Variants in KCNMA1 observed in about 807,000 individuals in gnomAD.
KCNMA1 encodes Calcium-activated potassium channel subunit alpha-1.
Under a neutral mutation model 140.0 loss-of-function variants are expected in KCNMA1, and 29 were observed. The ratio of observed to expected loss-of-function variants is 0.21; its 90% CI spans 0.15 to 0.28. The LOEUF is 0.28. Ranked by LOEUF, KCNMA1 falls within the 10% of genes least tolerant of loss-of-function variation. The pLI, the probability that KCNMA1 is intolerant of heterozygous loss-of-function variation, is 1.00. For missense variants in KCNMA1, 880 were observed against 1,602.2 expected, an observed-to-expected ratio of 0.55 and a Z score of 7.70; for synonymous variants, 612 against 611.9, an observed-to-expected ratio of 1.00 and a Z score of 0.00.
intron 3 of KCNMA1, among the ~76,000 whole-genome samples, chr10:77,231,891 AAC>A (rs1207853782): frequency 6.6e-6 from 1 of 152,242 alleles, no homozygotes; most frequent in Non-Finnish European, 1.5e-5. Context: ...TCAATTTTAA[AAC>A]ACTTTCATCA....
intron 23 of KCNMA1, among the ~76,000 whole-genome samples, chr10:76,932,716 C>A (rs977891637): frequency 2.0e-5 from 3 of 152,170 alleles, no homozygotes; most frequent in Non-Finnish European, 4.4e-5. Flanking sequence ...CCTTAACCCT[C>A]CATGACTGCA....
chr10:77,103,835 G>A (rs2097148123), intron 9 of KCNMA1, among the ~76,000 whole-genome samples: 1 of 152,206 alleles, frequency 6.6e-6, no homozygotes, highest in Non-Finnish European at 1.5e-5. Flanking sequence ...GGGTGGGCAG[G>A]AGGGGAGAGG....
intron 3 of KCNMA1, among the ~76,000 whole-genome samples, chr10:77,186,620 T>C (rs1047733394): frequency 1.3e-5 from 2 of 152,158 alleles, no homozygotes; most frequent in African/African-American, 4.8e-5. Flanking sequence ...TGCTTGTTTT[T>C]GTTTCAAAAA....
At chr10:77,316,368 G>A (rs10824524) in intron 2 of KCNMA1, among the ~76,000 whole-genome samples, 26,030 of 152,184 alleles carry the variant, frequency 0.17, 2,383 homozygotes, top group East Asian at 0.33. Flanking sequence ...TCAGGTTTGG[G>A]AAGTCAGCAA....
intron 1 of KCNMA1, among the ~76,000 whole-genome samples, chr10:77,430,337 C>T (rs1384912410): frequency 6.6e-6 from 1 of 152,194 alleles, no homozygotes; most frequent in African/African-American, 2.4e-5. Context: ...ATTTACTGAG[C>T]AGGAGCCGAA....
rs182215536 is a variant in KCNMA1, at chr10:77,223,085, C to T, written c.602+28110G>A. On this transcript the variant is annotated intron_variant, in intron 3 of 27. Coordinates refer to ENST00000286628, the MANE Select transcript of KCNMA1 (RefSeq NM_001161352.2). ...TCTACTAAAAATACAAAAACTTAACCGGGCATGGTGGCAGGCACCTGTAGT... is the reference window on the plus strand; with the variant it reads ...TCTACTAAAAATACAAAAACTTAACTGGGCATGGTGGCAGGCACCTGTAGT... 6.7e-3 allele frequency among the ~76,000 whole-genome samples: 1,021 copies of T among 151,880 alleles called. 16 individuals are homozygous for T. Among genetic ancestry groups the T allele is most frequent in the African/African-American group, 0.024 (977 of 41,408 alleles).
At chr10:77,306,367 G>A (rs1037062444) in intron 2 of KCNMA1, among the ~76,000 whole-genome samples, 5 of 152,198 alleles carry the variant, frequency 3.3e-5, no homozygotes, top group African/African-American at 1.2e-4. Context: ...ATCTGGTAGG[G>A]GTGATGCCCA....
intron 1 of KCNMA1, among the ~76,000 whole-genome samples, chr10:77,576,667 A>G (rs1316239170): frequency 6.6e-6 from 1 of 152,172 alleles, no homozygotes; most frequent in Non-Finnish European, 1.5e-5. Flanking sequence ...TGGGATTCTA[A>G]AAGGAGTGAC....
intron 5 of KCNMA1, among the ~76,000 whole-genome samples, chr10:77,144,929 AC>A (rs1330549442): frequency 2.6e-5 from 4 of 152,208 alleles, no homozygotes; most frequent in African/African-American, 9.7e-5. Context: ...TACTTCACAG[AC>A]GAACTATCCA....
At chr10:77,060,831 C>T (rs866126734) in intron 14 of KCNMA1, among the ~76,000 whole-genome samples, 12 of 152,178 alleles carry the variant, frequency 7.9e-5, no homozygotes, top group Admixed American at 5.2e-4. Flanking sequence ...ACAATGGAAG[C>T]ACAATGTTGG....
At chr10:76,969,929 G>T in intron 20 of KCNMA1, 45 bp downstream of exon 20, 2 of 1,470,888 alleles carry the variant, frequency 1.4e-6, no homozygotes, top group Non-Finnish European at 1.9e-6. Context: ...GGGAGGAAGA[G>T]AAGGGCTAAG....
chr10:77,603,468 G>A (rs919343299), intron 1 of KCNMA1, among the ~76,000 whole-genome samples: 3 of 152,190 alleles, frequency 2.0e-5, no homozygotes, highest in Non-Finnish European at 4.4e-5. Context: ...AGGGAGACAG[G>A]TTCTGTGTCC....
chr10:77,374,720 C>A (rs994076), intron 2 of KCNMA1, among the ~76,000 whole-genome samples: 36,590 of 152,026 alleles, frequency 0.24, 5,367 homozygotes, highest in African/African-American at 0.4. Context: ...CTTGCAGTTT[C>A]TTTAGGTAGG....
At chr10:76,955,825 G>A (rs2068044582) in intron 20 of KCNMA1, among the ~76,000 whole-genome samples, 1 of 152,134 alleles carries the variant, frequency 6.6e-6, no homozygotes, top group Non-Finnish European at 1.5e-5. Flanking sequence ...ATGGAGAAGA[G>A]GTTTGAGAAA....
intron 1 of KCNMA1, among the ~76,000 whole-genome samples, chr10:77,439,536 C>G (rs2097350193): frequency 6.6e-6 from 1 of 152,150 alleles, no homozygotes; most frequent in East Asian, 1.9e-4. Flanking sequence ...CTGATTTCTC[C>G]CCTGGCTCAA....
intron 1 of KCNMA1, among the ~76,000 whole-genome samples, chr10:77,594,820 T>C (rs115690105): frequency 1.1e-3 from 168 of 152,286 alleles, no homozygotes; most frequent in African/African-American, 3.9e-3. Flanking sequence ...TATAAAGCCT[T>C]CACACACGAT....
At chr10:77,431,769 G>A (rs953322344) in intron 1 of KCNMA1, among the ~76,000 whole-genome samples, 6 of 151,570 alleles carry the variant, frequency 4.0e-5, no homozygotes, top group East Asian at 1.9e-4. Flanking sequence ...AAGCCGATGC[G>A]GATGGATCAC....
At chr10:77,423,283 G>C (rs994525737) in intron 1 of KCNMA1, among the ~76,000 whole-genome samples, 1 of 152,202 alleles carries the variant, frequency 6.6e-6, no homozygotes, top group Admixed American at 6.5e-5. Context: ...CACATGTCCT[G>C]TTTCTCACTG....
intron 2 of KCNMA1, among the ~76,000 whole-genome samples, chr10:77,337,190 T>C (rs561759963): frequency 5.9e-5 from 9 of 152,220 alleles, no homozygotes; most frequent in Non-Finnish European, 1.2e-4. Context: ...CCTCAATAAG[T>C]ATTTGTAGTT....
Sources: allele counts gnomAD v4.1 joint callset (sites outside exome capture counted in the v4.1 genomes callset), GRCh38; gene constraint gnomAD v4.1.1; transcripts MANE v1.5; gene names NCBI Gene and HGNC (gene_info 2026-07-23, HGNC 2026-07-21).